Variants in ZNF652 observed in about 807,000 individuals in gnomAD.
The protein encoded by ZNF652 is zinc finger protein 652.
A neutral mutation model predicts 45.2 loss-of-function variants in ZNF652; 16 were observed. That is an observed-to-expected ratio of 0.35 (90% CI 0.24 to 0.54). The LOEUF is 0.54. Among genes scored for constraint, ZNF652 ranks in the 20% least tolerant of loss-of-function variants. The probability of loss-of-function intolerance (pLI) is 0.91; values close to 1 mark genes in which losing one functional copy is unlikely to be tolerated. For synonymous variants in ZNF652, 250 were observed against 260.6 expected, an observed-to-expected ratio of 0.96 and a Z score of 0.39; for missense variants, 614 against 765.6, an observed-to-expected ratio of 0.80 and a Z score of 2.34.
chr17:49,351,580 T>G (rs951449232), intron 1 of ZNF652, among the ~76,000 whole-genome samples: 2 of 152,108 alleles, frequency 1.3e-5, no homozygotes, highest in African/African-American at 4.8e-5. Context: ...ACCACGGACA[T>G]ACATATATAT....
intron 1 of ZNF652, among the ~76,000 whole-genome samples, chr17:49,336,843 A>G (rs1445306888): frequency 6.7e-6 from 1 of 150,226 alleles, no homozygotes; most frequent in African/African-American, 2.5e-5. Context: ...TTGGATCACG[A>G]GGTCAGGAGT....
At chr17:49,352,910 C>T (rs2070297483) in intron 1 of ZNF652, among the ~76,000 whole-genome samples, 1 of 152,158 alleles carries the variant, frequency 6.6e-6, no homozygotes, top group Admixed American at 6.5e-5. Flanking sequence ...GTCCATGTCA[C>T]ATTCTGCAAA....
rs961417362 is a variant in ZNF652 at position 49,298,621 on chromosome 17, A to C, written c.1613T>G (p.Leu538Arg). Residue 538 changes from leucine to arginine, a missense_variant, in exon 6 of 6, where the codon CTT becomes CGT. Around this residue, in one of 5 missense-constraint regions of ZNF652, gnomAD observed 132 missense variants for 137.2 expected, o/e 0.96. Coordinates refer to ENST00000430262, the MANE Select transcript of ZNF652 (RefSeq NM_001145365.3). Reference protein sequence around the residue: ...PPINMNPVSTLPPRPIPHPFS... With the variant: ...PPINMNPVSTRPPRPIPHPFS... ...GGGGTGGGGGATGGGCCGAGGGGGAAGAGTGCTTACAGGATTCATATTGAT... is the reference window on the plus strand; with the variant it reads ...GGGGTGGGGGATGGGCCGAGGGGGACGAGTGCTTACAGGATTCATATTGAT... The C allele has an allele frequency of 3.7e-6, 6 of 1,612,966 alleles. No individual in the cohort carries two copies. The Admixed American group carries it at 6.7e-5, about 18-fold the overall frequency.
rs759131629 is a variant in ZNF652, at chr17:49,317,454, T to C, written c.272A>G (p.His91Arg). ...FRETRAVSDV[H>R]AVKEDRENSD... ...ATTCTCCCGGTCTTCCTTAACAGCA[T>C]GCACGTCAGACACTGCTCTTGTCTC... is the stretch of plus-strand genomic sequence containing the variant. The change falls in exon 2 of 6, where the codon CAT (histidine) becomes CGT (arginine). Residue 91 changes from histidine (H) to arginine (R), a missense_variant. By Grantham distance (29) the His-to-Arg change is conservative. Around this residue, in one of 5 missense-constraint regions of ZNF652, gnomAD observed 133 missense variants for 132.2 expected, o/e 1.01. Coordinates refer to ENST00000430262, the MANE Select transcript of ZNF652 (RefSeq NM_001145365.3). 16 of 1,614,096 alleles carry C rather than the reference T, an allele frequency of 9.9e-6. No individual in the cohort carries two copies. The highest frequency in any genetic ancestry group is 2.2e-5 in the South Asian group (2 of 91,084).
intron 5 of ZNF652, among the ~76,000 whole-genome samples, chr17:49,304,537 C>T (rs2069600982): frequency 6.6e-6 from 1 of 152,102 alleles, no homozygotes; most frequent in Non-Finnish European, 1.5e-5. Flanking sequence ...AATCAACTAC[C>T]TGTACAATGT....
At chr17:49,310,067 C>T (rs1265811462) in intron 5 of ZNF652, among the ~76,000 whole-genome samples, 3 of 152,172 alleles carry the variant, frequency 2.0e-5, no homozygotes, top group Non-Finnish European at 4.4e-5. Flanking sequence ...CATTCTCCTG[C>T]CTCAGCCTAC....
chr17:49,333,707 G>T (rs2070050387), intron 1 of ZNF652, among the ~76,000 whole-genome samples: 1 of 129,430 alleles, frequency 7.7e-6, no homozygotes, highest in African/African-American at 3.0e-5. Context: ...GCGACAGAGT[G>T]AGACTCTGTC....
intron 1 of ZNF652, among the ~76,000 whole-genome samples, chr17:49,343,970 G>A (rs1028373871): frequency 2.6e-5 from 4 of 152,156 alleles, no homozygotes; most frequent in African/African-American, 4.8e-5. Context: ...AGGCCGAGGC[G>A]GGTGGATCAC....
At chr17:49,336,120 G>T (rs1479836022) in intron 1 of ZNF652, among the ~76,000 whole-genome samples, 1 of 151,996 alleles carries the variant, frequency 6.6e-6, no homozygotes, top group African/African-American at 2.4e-5. Context: ...CGCCTCCTGG[G>T]TTCAAGCAAT....
At chr17:49,330,218 C>A (rs2070008288) in intron 1 of ZNF652, among the ~76,000 whole-genome samples, 1 of 152,144 alleles carries the variant, frequency 6.6e-6, no homozygotes, top group African/African-American at 2.4e-5. Flanking sequence ...GATATATAAC[C>A]TTGGAAGGTC....
chr17:49,351,012 T>TATATATATATAC (rs1567700253), intron 1 of ZNF652, among the ~76,000 whole-genome samples: 1 of 20,306 alleles, frequency 4.9e-5, no homozygotes, highest in African/African-American at 1.9e-4. Context: ...TATATATATA[T>TATATATATATAC]ATACACACAC....
At chr17:49,345,213 T>A (rs2070191943) in intron 1 of ZNF652, among the ~76,000 whole-genome samples, 1 of 150,792 alleles carries the variant, frequency 6.6e-6, no homozygotes. Flanking sequence ...CTTTTTTTTT[T>A]TTTTTTTGAG....
chr17:49,288,817 A>G (rs2069366286), downstream of ZNF652, among the ~76,000 whole-genome samples: 1 of 152,194 alleles, frequency 6.6e-6, no homozygotes, highest in Admixed American at 6.5e-5. Flanking sequence ...CACTGACTGT[A>G]CTTTGTAAGC....
intron 5 of ZNF652, among the ~76,000 whole-genome samples, chr17:49,307,292 G>A (rs988571058): frequency 1.1e-4 from 16 of 151,224 alleles, no homozygotes; most frequent in East Asian, 5.9e-4. Flanking sequence ...TTAGCTAGGC[G>A]TGGTGGCACA....
intron 1 of ZNF652, among the ~76,000 whole-genome samples, chr17:49,346,255 T>TA (rs1424193317): frequency 2.6e-5 from 4 of 152,190 alleles, no homozygotes; most frequent in African/African-American, 9.6e-5. Context: ...ACTTTATTTA[T>TA]AAAAAAACAA....
At chr17:49,326,888 C>T (rs2069961574) in intron 1 of ZNF652, among the ~76,000 whole-genome samples, 1 of 152,106 alleles carries the variant, frequency 6.6e-6, no homozygotes. Flanking sequence ...TACGCATCAC[C>T]TTCTCTTGGT....
intron 1 of ZNF652, among the ~76,000 whole-genome samples, chr17:49,322,229 GCAGAATAACT>G (rs1431529821): frequency 6.6e-6 from 1 of 152,170 alleles, no homozygotes; most frequent in Non-Finnish European, 1.5e-5. Flanking sequence ...GGAAATGATA[GCAGAATAACT>G]CAGAAATAAT....
In ZNF652 at chr17:49,323,839, C is replaced by T. The variant is rs769258646; in HGVS notation, c.-258-5856G>A. On this transcript the variant is annotated intron_variant, in intron 1 of 5. Transcript: ENST00000430262. The stretch of plus-strand genomic sequence containing the variant: ...TGGGCTTAAAATATTCAGTAAACCA[C>T]GCTATAAACAGATGTGCTGTTATTC... Among the ~76,000 whole-genome samples, 71 of 152,274 alleles carry T rather than the reference C, an allele frequency of 4.7e-4. 1 individual carries two copies. Among genetic ancestry groups the T allele is most frequent in the Admixed American group, 3.3e-4 (5 of 15,286 alleles).
In ZNF652 at chr17:49,361,988, G is replaced by A. The variant is rs1419792430; in HGVS notation, c.-338C>T. 6.7e-6 allele frequency: 1 copy of A among 149,736 alleles called. No individual in the cohort carries two copies. Among genetic ancestry groups the A allele is most frequent in the Non-Finnish European group, 1.5e-5 (1 of 67,044 alleles). 9.3% of individuals were successfully genotyped at this position (149,736 alleles called of 1,614,324 possible). A position where few individuals can be genotyped will look rare whatever the true frequency, so the allele number is the denominator to read the frequency against. ...CCTGCGGCGGGGGCCTGCAGCCGCG[G>A]CGCTCGAGTCACAACCGCCGGCTGG... On this transcript the variant is annotated 5_prime_UTR_variant, in exon 1 of 6. Coordinates refer to ENST00000430262, the MANE Select transcript of ZNF652 (RefSeq NM_001145365.3).
Sources: gnomAD v4.1 joint callset for allele counts (sites outside exome capture counted in the v4.1 genomes callset) on GRCh38, gnomAD v4.1.1 for gene constraint, gnomAD v4.1.1 regional missense constraint, MANE v1.5 for transcripts, NCBI Gene and HGNC (gene_info 2026-07-23, HGNC 2026-07-21) for gene names.